The following ARHGAP29 variants were observed in gnomAD, a reference collection of about 807,000 sequenced individuals.
ARHGAP29 encodes the protein Rho GTPase activating protein 29, also known as rho GTPase-activating protein 29.
ARHGAP29 carries 43 observed loss-of-function variants against 122.6 expected under a neutral mutation model. The ratio of observed to expected loss-of-function variants is 0.35; its 90% CI spans 0.27 to 0.45. The LOEUF (loss-of-function observed/expected upper bound fraction) is 0.45, where lower values mean the gene tolerates loss of function less well. Among genes scored for constraint, ARHGAP29 ranks in the 20% least tolerant of loss-of-function variants. The pLI, the probability that ARHGAP29 is intolerant of heterozygous loss-of-function variation, is 1.00. For synonymous variants in ARHGAP29, 506 were observed against 497.1 expected (o/e 1.02, Z -0.24); for missense variants, 1,303 against 1,477.2 (o/e 0.88, Z 1.93).
chr1:94,197,685 A>G (rs562587846), intron 12 of ARHGAP29, among the ~76,000 whole-genome samples: 1 of 152,206 alleles, frequency 6.6e-6, no homozygotes. Context: ...TATTCCAGGG[A>G]TGCAAAGCTA....
chr1:94,296,296 T>C, the ARHGAP29 span, among the ~76,000 whole-genome samples: 2 of 152,192 alleles, frequency 1.3e-5, no homozygotes, highest in Admixed American at 6.5e-5. Flanking sequence ...GCAGATCGAC[T>C]GTTGAGGTGG....
intron 12 of ARHGAP29, chr1:94,191,237 C>T (rs1053746802): frequency 2.0e-5 from 3 of 152,180 alleles, no homozygotes; most frequent in African/African-American, 7.2e-5. Context: ...GTAACATGAT[C>T]TGATTTATTC....
At chr1:94,196,079 A>T (rs34504945) in intron 12 of ARHGAP29, 2 of 152,266 alleles carry the variant, frequency 1.3e-5, no homozygotes, top group African/African-American at 4.8e-5. Flanking sequence ...TAGCAAAGGT[A>T]AATCATCAAG....
chr1:94,208,465 C>CT (rs1183800081), intron 5 of ARHGAP29, among the ~76,000 whole-genome samples: 238 of 145,532 alleles, frequency 1.6e-3, no homozygotes, highest in Middle Eastern at 3.6e-3. Context: ...AGCAATTTTT[C>CT]TTTTTTTTTT....
the ARHGAP29 span, among the ~76,000 whole-genome samples, chr1:94,295,319 T>C: frequency 6.6e-6 from 1 of 152,048 alleles, no homozygotes; most frequent in African/African-American, 2.4e-5. Flanking sequence ...AAGAGAAAGA[T>C]TGAAAGGATA....
At chr1:94,253,663 C>CGCACGCACGCAT (rs1654210914) in intron 1 of ARHGAP29, among the ~76,000 whole-genome samples, 1 of 152,020 alleles carries the variant, frequency 6.6e-6, no homozygotes, top group Non-Finnish European at 1.5e-5. Context: ...CACGCACGCA[C>CGCACGCACGCAT]GCACGCACAT....
intron 1 of ARHGAP29, among the ~76,000 whole-genome samples, chr1:94,269,843 A>C (rs924228529): frequency 3.9e-5 from 6 of 152,148 alleles, no homozygotes; most frequent in Non-Finnish European, 8.8e-5. Context: ...AGGTAAGTGC[A>C]TGAGCTTATA....
intron 1 of ARHGAP29, among the ~76,000 whole-genome samples, chr1:94,260,862 A>T (rs1654533245): frequency 6.6e-6 from 1 of 152,204 alleles, no homozygotes; most frequent in African/African-American, 2.4e-5. Flanking sequence ...AGGATAACTC[A>T]AACTGCATTG....
At chr1:94,299,855 C>T in the ARHGAP29 span, among the ~76,000 whole-genome samples, 1 of 152,150 alleles carries the variant, frequency 6.6e-6, no homozygotes, top group Non-Finnish European at 1.5e-5. Context: ...TGGGCAGCCA[C>T]GCTGTGTTTG....
intron 3 of ARHGAP29, among the ~76,000 whole-genome samples, chr1:94,211,287 C>CAAAAA (rs71094285): frequency 0.05 from 1,800 of 35,958 alleles, 562 homozygotes; most frequent in South Asian, 0.072. Flanking sequence ...GCTCTGGCTC[C>CAAAAA]AAAAAAAAAA....
At chr1:94,291,588 A>G in the ARHGAP29 span, among the ~76,000 whole-genome samples, 1 of 152,274 alleles carries the variant, frequency 6.6e-6, no homozygotes, top group Non-Finnish European at 1.5e-5. Context: ...AGTGGCTGGT[A>G]CCAGTTGTTC....
At position 94,223,522 on chromosome 1, in the gene ARHGAP29, C is replaced by A. The variant is rs1341864038; in HGVS notation, c.206-3130G>T. Among the ~76,000 whole-genome samples, 3 of 151,992 alleles carry A rather than the reference C, an allele frequency of 2.0e-5. No individual in the cohort carries two copies. The East Asian group carries it at 5.8e-4, about 29-fold the overall frequency. On this transcript the variant is annotated intron_variant, in intron 2 of 22. Coordinates refer to ENST00000260526, the MANE Select transcript of ARHGAP29 (RefSeq NM_004815.4). ...GAACAGTGGCTGGAACACAGTAGGC[C>A]CTTCATAAATGTTTGCAGCTATTTT...
the ARHGAP29 span, among the ~76,000 whole-genome samples, chr1:94,313,202 C>T: frequency 2.0e-5 from 3 of 152,062 alleles, no homozygotes; most frequent in African/African-American, 7.2e-5. Context: ...GCTCCTTGCC[C>T]CAAGGCCTTT....
intron 1 of ARHGAP29, among the ~76,000 whole-genome samples, chr1:94,257,307 C>T (rs1474368941): frequency 6.6e-6 from 1 of 152,038 alleles, no homozygotes; most frequent in East Asian, 1.9e-4. Flanking sequence ...GAGGCTGAGG[C>T]AGGAGAATCA....
intron 3 of ARHGAP29, among the ~76,000 whole-genome samples, chr1:94,216,422 C>G (rs1397537068): frequency 6.6e-6 from 1 of 152,106 alleles, no homozygotes; most frequent in Non-Finnish European, 1.5e-5. Context: ...AGAACACATC[C>G]GTGTATTTGC....
In ARHGAP29 at chr1:94,169,416, G is replaced by C. The variant is rs1211961489; in HGVS notation, c.*4453C>G. 6.6e-6 allele frequency among the ~76,000 whole-genome samples: 1 copy of C among 152,112 alleles called. No homozygotes were observed. Among genetic ancestry groups the C allele is most frequent in the Admixed American group, 6.6e-5 (1 of 15,266 alleles). On this transcript the variant is annotated 3_prime_UTR_variant, in exon 23 of 23. Transcript: ENST00000260526. Reference sequence around the variant, plus strand: ...ACTGGGTGTGATGAGACAGCAGCTGGCATGTCAAGAGGTTGAGGGAGGGAG... The same window carrying C: ...ACTGGGTGTGATGAGACAGCAGCTGCCATGTCAAGAGGTTGAGGGAGGGAG...
intron 19 of ARHGAP29, among the ~76,000 whole-genome samples, chr1:94,180,653 T>TA (rs938792823): frequency 3.9e-5 from 6 of 152,124 alleles, no homozygotes; most frequent in Non-Finnish European, 7.4e-5. Flanking sequence ...TAGAGAGGGG[T>TA]AGCCTTGAGA....
At chr1:94,259,116 G>A (rs1570616018) in intron 1 of ARHGAP29, among the ~76,000 whole-genome samples, 1 of 152,166 alleles carries the variant, frequency 6.6e-6, no homozygotes, top group East Asian at 1.9e-4. Context: ...AAGGGTGGGT[G>A]GGGACAGGCA....
At chr1:94,292,813 G>A in the ARHGAP29 span, among the ~76,000 whole-genome samples, 1 of 152,182 alleles carries the variant, frequency 6.6e-6, no homozygotes, top group Non-Finnish European at 1.5e-5. Flanking sequence ...ATTGCTGCCT[G>A]ATCTTTCCTC....
Sources: allele counts gnomAD v4.1 joint callset (sites outside exome capture counted in the v4.1 genomes callset), GRCh38; gene constraint gnomAD v4.1.1; transcripts MANE v1.5; gene names NCBI Gene and HGNC (gene_info 2026-07-23, HGNC 2026-07-21).